The following ATP2A2 variants were observed in gnomAD, a reference collection of about 807,000 sequenced individuals.
ATP2A2 encodes sarcoplasmic/endoplasmic reticulum calcium ATPase 2.
In ATP2A2, 14 loss-of-function variants were observed where a neutral mutation model predicts 109.3. That is an observed-to-expected ratio of 0.13 (90% CI 0.08 to 0.20). ATP2A2 has a LOEUF of 0.20. ATP2A2 is among the 10% of genes least tolerant of loss of function. The pLI is 1.00. For missense variants in ATP2A2, 657 were observed against 1,321.6 expected (o/e 0.50, Z 7.80); for synonymous variants, 506 against 490.9 (o/e 1.03, Z -0.41).
intron 5 of ATP2A2, among the ~76,000 whole-genome samples, chr12:110,314,899 C>G (rs1009014065): frequency 4.7e-5 from 7 of 149,200 alleles, no homozygotes; most frequent in African/African-American, 1.5e-4. Flanking sequence ...TGGAGTCTCG[C>G]TCTGTCGCCC....
rs1032201596 is a variant in ATP2A2, at chr12:110,347,017, TCACCCCACCC to T, written c.*557_*566del. 6.4e-6 allele frequency: 7 copies of T among 1,098,240 alleles called. No individual in the cohort carries two copies. The African/African-American group carries it at 6.7e-5, about 10-fold the overall frequency. 68.0% of individuals were successfully genotyped at this position (1,098,240 alleles called of 1,614,324 possible). On this transcript the variant is annotated 3_prime_UTR_variant, in exon 20 of 20. Coordinates refer to ENST00000539276, the MANE Select transcript of ATP2A2 (RefSeq NM_170665.4). ...TTCCCTCACCCACTTTGGCCTCCGT[TCACCCCACCC>T]CACCCCACCTCTCCCCACCTTACCC...
rs183511121 is a variant in ATP2A2, at chr12:110,342,135, A to T, written c.2098-93A>T. 1.4e-6 allele frequency: 2 copies of T among 1,429,876 alleles called. No homozygotes were observed. The highest frequency in any genetic ancestry group is 1.8e-4 in the Middle Eastern group (1 of 5,682). The allele number at this position is 1,429,876 out of a possible 1,614,324, so 88.6% of individuals were successfully genotyped here. A position where few individuals can be genotyped will look rare whatever the true frequency, so the allele number is the denominator to read the frequency against. ...TGCCAAGAGACCTACGGCTCTATTC[A>T]TTTTCCTCCTGCTTCCCATTCAGTG... On this transcript the variant is annotated intron_variant, in intron 14 of 19. Transcript: ENST00000539276. The surrounding 1 kb of genome is among the most constrained non-coding windows in gnomAD (Gnocchi z 4.6).
intron 5 of ATP2A2, among the ~76,000 whole-genome samples, chr12:110,316,035 C>T (rs553626705): frequency 4.0e-5 from 6 of 151,886 alleles, no homozygotes; most frequent in Non-Finnish European, 7.4e-5. Context: ...TACAGTGAGC[C>T]GAGATCATGC....
intron 3 of ATP2A2, among the ~76,000 whole-genome samples, chr12:110,290,375 G>C (rs942238572): frequency 1.3e-5 from 2 of 152,198 alleles, no homozygotes; most frequent in African/African-American, 2.4e-5. Context: ...ATTTAAGTCA[G>C]TGATCAAGTT....
intron 5 of ATP2A2, among the ~76,000 whole-genome samples, chr12:110,313,285 C>A (rs983217570): frequency 6.6e-6 from 1 of 150,912 alleles, no homozygotes; most frequent in Non-Finnish European, 1.5e-5. Context: ...GGAGAAGAAA[C>A]CATGTGGTTT....
At chr12:110,316,799 C>T (rs1023691910) in intron 5 of ATP2A2, among the ~76,000 whole-genome samples, 1 of 151,966 alleles carries the variant, frequency 6.6e-6, no homozygotes, top group African/African-American at 2.4e-5. Flanking sequence ...ATGTGAAGGC[C>T]CAGAAACAAG....
Position 110,349,680 on chromosome 12 carries a change from A to G in ATP2A2, c.*3210A>G. Reference sequence around the variant, plus strand: ...TTAGCTCAGTGTCTACCAAGCATCTAGCCACTGTCCAGGGCCAGAGCATAC... The same window carrying G: ...TTAGCTCAGTGTCTACCAAGCATCTGGCCACTGTCCAGGGCCAGAGCATAC... On this transcript the variant is annotated 3_prime_UTR_variant, in exon 20 of 20. Coordinates refer to ENST00000539276, the MANE Select transcript of ATP2A2 (RefSeq NM_170665.4). The G allele has an allele frequency of 1.0e-6, 1 of 991,096 alleles. No individual in the cohort carries two copies. The highest frequency in any genetic ancestry group is 1.2e-6 in the Non-Finnish European group (1 of 832,810). The allele number at this position is 991,096 out of a possible 1,614,324, so 61.4% of individuals were successfully genotyped here. A position where few individuals can be genotyped will look rare whatever the true frequency, so the allele number is the denominator to read the frequency against.
At position 110,350,403 on chromosome 12, in the gene ATP2A2, T is replaced by G; in HGVS notation, c.*3933T>G. On this transcript the variant is annotated 3_prime_UTR_variant, in exon 20 of 20. Coordinates refer to ENST00000539276, the MANE Select transcript of ATP2A2 (RefSeq NM_170665.4). Reference sequence around the variant, plus strand: ...TACCAACCCTGTGCATGACTGATGTTGGGGAAAAAGAAAAGTAAAAAACTT... The same window carrying G: ...TACCAACCCTGTGCATGACTGATGTGGGGGAAAAAGAAAAGTAAAAAACTT... 1.3e-6 allele frequency: 2 copies of G among 1,596,938 alleles called. No homozygotes were observed. The highest frequency in any genetic ancestry group is 1.1e-5 in the South Asian group (1 of 90,024).
intron 5 of ATP2A2, among the ~76,000 whole-genome samples, chr12:110,322,038 T>G (rs60219027): frequency 0.081 from 12,301 of 152,184 alleles, 542 homozygotes; most frequent in Middle Eastern, 0.11. Flanking sequence ...CCGCCCAGGC[T>G]GGAGTGCAGT....
chr12:110,326,844 A>G (rs1169529386), intron 7 of ATP2A2, among the ~76,000 whole-genome samples: 1 of 152,230 alleles, frequency 6.6e-6, no homozygotes, highest in Admixed American at 6.5e-5. Context: ...TTAGAGAGAG[A>G]GAGAAAGCAA....
At position 110,350,526 on chromosome 12, in the gene ATP2A2, A is replaced by G; in HGVS notation, c.*4056A>G. ...TGATTACAGATGTACAATTTAGCTT[A>G]ATCAGAAAGCCTCTCCAGAGAAGTT... On this transcript the variant is annotated 3_prime_UTR_variant, in exon 20 of 20. Coordinates refer to ENST00000539276, the MANE Select transcript of ATP2A2 (RefSeq NM_170665.4). 1 of 710,290 alleles carries G rather than the reference A, an allele frequency of 1.4e-6. No homozygotes were observed. 44.0% of individuals were successfully genotyped at this position (710,290 alleles called of 1,614,324 possible). A position where few individuals can be genotyped will look rare whatever the true frequency, so the allele number is the denominator to read the frequency against.
chr12:110,301,876 T>C (rs1874684893), intron 5 of ATP2A2, among the ~76,000 whole-genome samples: 1 of 152,188 alleles, frequency 6.6e-6, no homozygotes, highest in African/African-American at 2.4e-5. Flanking sequence ...CAAAGTCACC[T>C]TTTTTTGGAA....
At chr12:110,323,885 C>G (rs1289428817) in intron 6 of ATP2A2, among the ~76,000 whole-genome samples, 1 of 152,172 alleles carries the variant, frequency 6.6e-6, no homozygotes, top group African/African-American at 2.4e-5. Context: ...ATTCGATGTC[C>G]TTTTTCCAGG....
intron 3 of ATP2A2, among the ~76,000 whole-genome samples, chr12:110,290,495 A>G (rs1274620260): frequency 6.6e-6 from 1 of 152,168 alleles, no homozygotes; most frequent in Non-Finnish European, 1.5e-5. Context: ...TTGAAGTTTT[A>G]TTTTTTCTAA....
chr12:110,345,456 G>A (rs148478211), intron 18 of ATP2A2, 74 bp downstream of exon 18: 5 of 1,585,470 alleles, frequency 3.2e-6, no homozygotes, highest in South Asian at 2.2e-5. Flanking sequence ...GTGTAGTCAC[G>A]GTTGATTGAG....
At position 110,307,810 on chromosome 12, in the gene ATP2A2, G is replaced by T. The variant is rs151250289; in HGVS notation, c.463+11073G>T. ...ATTCTGTAGGTTGTCAGTTTACTCT[G>T]TTGATAGATTTCTTCTGCTGTGCAG... On this transcript the variant is annotated intron_variant, in intron 5 of 19. Coordinates refer to ENST00000539276, the MANE Select transcript of ATP2A2 (RefSeq NM_170665.4). Among the ~76,000 whole-genome samples, 1,043 of 152,262 alleles carry T rather than the reference G, an allele frequency of 6.9e-3. 1 individual carries two copies. Among genetic ancestry groups the T allele is most frequent in the Non-Finnish European group, 9.4e-3 (642 of 68,010 alleles).
At chr12:110,324,588 A>G (rs368108207) in intron 6 of ATP2A2, among the ~76,000 whole-genome samples, 110 of 152,030 alleles carry the variant, frequency 7.2e-4, no homozygotes, top group African/African-American at 2.5e-3. Context: ...TGCCCAGCTT[A>G]TTTTTGTATT....
chr12:110,304,987 C>T (rs1380737369), intron 5 of ATP2A2, among the ~76,000 whole-genome samples: 1 of 151,664 alleles, frequency 6.6e-6, no homozygotes, highest in Non-Finnish European at 1.5e-5. Context: ...TGGAGTGCAG[C>T]GAGTGGCATG....
chr12:110,306,273 T>G (rs1165021094), intron 5 of ATP2A2, among the ~76,000 whole-genome samples: 3 of 152,246 alleles, frequency 2.0e-5, no homozygotes, highest in Admixed American at 6.5e-5. Context: ...TCTCCTGACC[T>G]CGTGATCCAC....
Sources: allele counts gnomAD v4.1 joint callset (sites outside exome capture counted in the v4.1 genomes callset), GRCh38; gene constraint gnomAD v4.1.1; non-coding constraint Gnocchi (gnomAD v3.1); transcripts MANE v1.5; gene names NCBI Gene and HGNC (gene_info 2026-07-23, HGNC 2026-07-21).